Variants in CCDC6 observed in about 807,000 individuals in gnomAD.
CCDC6 encodes the protein coiled-coil domain containing 6.
Under a neutral mutation model 56.6 loss-of-function variants are expected in CCDC6, and 20 were observed. The observed-to-expected ratio is 0.35, with a 90% CI of 0.25 to 0.51. CCDC6 has a LOEUF of 0.51. Among genes scored for constraint, CCDC6 ranks in the 20% least tolerant of loss-of-function variants. The pLI, the probability that CCDC6 is intolerant of heterozygous loss-of-function variation, is 0.95. For synonymous variants in CCDC6, 241 were observed against 234.4 expected (o/e 1.03, Z -0.26); for missense variants, 367 against 601.1 (o/e 0.61, Z 4.07).
chr10:59,885,085 G>GGAAA (rs1274964003), intron 1 of CCDC6, among the ~76,000 whole-genome samples: 1 of 149,246 alleles, frequency 6.7e-6, no homozygotes, highest in East Asian at 2.0e-4. Flanking sequence ...CAGAAAGAAA[G>GGAAA]GAAAGAAAGG....
intron 5 of CCDC6, among the ~76,000 whole-genome samples, chr10:59,811,033 AG>A (rs1404716684): frequency 6.6e-6 from 1 of 152,168 alleles, no homozygotes; most frequent in Non-Finnish European, 1.5e-5. Flanking sequence ...CAGCCTCTAG[AG>A]CTGGAAAAGG....
chr10:59,820,040 C>T (rs10994028), intron 3 of CCDC6, among the ~76,000 whole-genome samples: 4,352 of 152,016 alleles, frequency 0.029, 176 homozygotes, highest in African/African-American at 0.08. Flanking sequence ...TTTAGAACTT[C>T]TTCAATGAAT....
chr10:59,792,880 A>G lies in CCDC6; in HGVS notation c.*37T>C, dbSNP rs754926098. The G allele has an allele frequency of 1.2e-6, 2 of 1,602,490 alleles. No homozygotes were observed. Among genetic ancestry groups the G allele is most frequent in the Non-Finnish European group, 1.7e-6 (2 of 1,169,914 alleles). The stretch of plus-strand genomic sequence containing the variant: ...GGCGTTGAGTAGACGGCTCCATTGG[A>G]TGAGTCCCAACTTGAAATTCAGACT... On this transcript the variant is annotated 3_prime_UTR_variant, in exon 9 of 9. Transcript: ENST00000263102.
At chr10:59,889,904 C>A (rs568413491) in intron 1 of CCDC6, among the ~76,000 whole-genome samples, 11 of 152,134 alleles carry the variant, frequency 7.2e-5, no homozygotes, top group African/African-American at 2.4e-4. Context: ...TGTCTCATCA[C>A]CCACCCCACT....
At chr10:59,816,114 G>A (rs1175938738) in intron 3 of CCDC6, among the ~76,000 whole-genome samples, 1 of 152,120 alleles carries the variant, frequency 6.6e-6, no homozygotes, top group Non-Finnish European at 1.5e-5. Context: ...TATTCACACA[G>A]GAGCACAGGA....
chr10:59,884,329 A>G (rs753503770), intron 1 of CCDC6, among the ~76,000 whole-genome samples: 1 of 152,252 alleles, frequency 6.6e-6, no homozygotes, highest in African/African-American at 2.4e-5. Context: ...GACAGCGACG[A>G]CAATAAGCAA....
At chr10:59,824,544 C>A (rs2132638951) in intron 3 of CCDC6, among the ~76,000 whole-genome samples, 1 of 152,264 alleles carries the variant, frequency 6.6e-6, no homozygotes, top group South Asian at 2.1e-4. Flanking sequence ...TCCCACCAAG[C>A]CGACTTCAGG....
intron 2 of CCDC6, among the ~76,000 whole-genome samples, chr10:59,838,379 T>C (rs1353005506): frequency 6.6e-6 from 1 of 152,172 alleles, no homozygotes; most frequent in Non-Finnish European, 1.5e-5. Context: ...CAAGTCCTAT[T>C]ACTTCAATGT....
rs2070460840 is a variant in CCDC6, at chr10:59,790,833, G to C, written c.*2084C>G. ...CATATGGCAATGTTTTAATTTTTGTGCTTTCAAGAGGTAACTAAATCGATA... is the reference window on the plus strand; with the variant it reads ...CATATGGCAATGTTTTAATTTTTGTCCTTTCAAGAGGTAACTAAATCGATA... On this transcript the variant is annotated 3_prime_UTR_variant, in exon 9 of 9. Transcript: ENST00000263102. 4.7e-6 allele frequency: 1 copy of C among 211,768 alleles called. No individual in the cohort carries two copies. Among genetic ancestry groups the C allele is most frequent in the African/African-American group, 2.3e-5 (1 of 44,090 alleles). 13.1% of individuals were successfully genotyped at this position (211,768 alleles called of 1,614,324 possible). A position where few individuals can be genotyped will look rare whatever the true frequency, so the allele number is the denominator to read the frequency against.
chr10:59,896,851 C>CA (rs776790898), intron 1 of CCDC6, among the ~76,000 whole-genome samples: 161 of 150,320 alleles, frequency 1.1e-3, no homozygotes, highest in Middle Eastern at 3.5e-3. Flanking sequence ...GTTTTTATCA[C>CA]AAAAAAAAAT....
chr10:59,869,406 A>AAC (rs2071207068), intron 1 of CCDC6, among the ~76,000 whole-genome samples: 4 of 96,160 alleles, frequency 4.2e-5, no homozygotes, highest in African/African-American at 1.7e-4. Context: ...AAAAAAAAAA[A>AAC]AAAAAAAAAA....
intron 1 of CCDC6, among the ~76,000 whole-genome samples, chr10:59,894,585 A>G (rs1402197607): frequency 6.6e-6 from 1 of 152,192 alleles, no homozygotes; most frequent in Non-Finnish European, 1.5e-5. Context: ...AAAAAAATAA[A>G]AAAACCCACT....
At chr10:59,863,572 G>C (rs1229786849) in intron 1 of CCDC6, among the ~76,000 whole-genome samples, 2 of 152,120 alleles carry the variant, frequency 1.3e-5, no homozygotes, top group Non-Finnish European at 2.9e-5. Flanking sequence ...TGGGTGGTGG[G>C]GAGAGGGATA....
intron 5 of CCDC6, among the ~76,000 whole-genome samples, chr10:59,812,149 T>C (rs1432964948): frequency 6.6e-6 from 1 of 152,026 alleles, no homozygotes; most frequent in Non-Finnish European, 1.5e-5. Flanking sequence ...TCTAGTCCTT[T>C]GATTTTTCAA....
At chr10:59,808,934 G>A (rs1281269836) in intron 5 of CCDC6, among the ~76,000 whole-genome samples, 2 of 152,100 alleles carry the variant, frequency 1.3e-5, no homozygotes, top group East Asian at 1.9e-4. Context: ...ACACTATTAC[G>A]TGCACTAAAC....
chr10:59,887,229 C>G (rs1179659477), intron 1 of CCDC6, among the ~76,000 whole-genome samples: 1 of 152,174 alleles, frequency 6.6e-6, no homozygotes, highest in Non-Finnish European at 1.5e-5. Context: ...CCAACCCTCT[C>G]TGAGCCTCAG....
At chr10:59,851,864 C>T (rs2071042289) in intron 2 of CCDC6, among the ~76,000 whole-genome samples, 1 of 151,858 alleles carries the variant, frequency 6.6e-6, no homozygotes, top group South Asian at 2.1e-4. Flanking sequence ...TTCATACTAA[C>T]CCACAAACTA....
chr10:59,844,493 G>A (rs3862860), intron 2 of CCDC6, among the ~76,000 whole-genome samples: 77,202 of 150,290 alleles, frequency 0.51, 21,583 homozygotes, highest in African/African-American at 0.75. Context: ...GCTCATGCCT[G>A]TAATCCAGCA....
At chr10:59,887,918 T>C (rs1416336717) in intron 1 of CCDC6, among the ~76,000 whole-genome samples, 1 of 152,196 alleles carries the variant, frequency 6.6e-6, no homozygotes, top group Non-Finnish European at 1.5e-5. Context: ...TTACCAGCAC[T>C]GTTCCCTGGC....
Sources: gnomAD v4.1 joint callset for allele counts (sites outside exome capture counted in the v4.1 genomes callset) on GRCh38, gnomAD v4.1.1 for gene constraint, MANE v1.5 for transcripts, NCBI Gene and HGNC (gene_info 2026-07-23, HGNC 2026-07-21) for gene names.